The following HEXB variants were observed in gnomAD, a reference collection of about 807,000 sequenced individuals.
HEXB encodes hexosaminidase subunit beta.
HEXB carries 51 observed loss-of-function variants against 71.2 expected under a neutral mutation model. The ratio of observed to expected loss-of-function variants is 0.72; its 90% CI spans 0.57 to 0.90. The LOEUF (loss-of-function observed/expected upper bound fraction) is 0.90. Ranked by LOEUF, HEXB falls within the 40% of genes least tolerant of loss-of-function variation. The pLI is 0.00. For synonymous variants in HEXB, 266 were observed against 249.3 expected (o/e 1.07, Z -0.63); for missense variants, 617 against 677.0 (o/e 0.91, Z 0.98).
chr5:74,681,980 G>A (rs1316536591), upstream of HEXB, among the ~76,000 whole-genome samples: 1 of 152,246 alleles, frequency 6.6e-6, no homozygotes, highest in Non-Finnish European at 1.5e-5. Context: ...TATATTGTGG[G>A]TATGGCAAGT....
chr5:74,665,504 T>C (rs1748416985), intron 1 of HEXB, among the ~76,000 whole-genome samples: 1 of 152,150 alleles, frequency 6.6e-6, no homozygotes, highest in African/African-American at 2.4e-5. Flanking sequence ...ATGCCCCTGC[T>C]TTCCTACACA....
rs145014069 is a variant in HEXB at position 74,672,086 on chromosome 5, A to C, written c.-376-17242A>C. ...TCTGATCCAGGCTTCTGCTATCCCG[A>C]TATATGTGATGCTTGTTCTCAGGCA... On this transcript the variant is annotated intron_variant, in intron 1 of 13. Coordinates refer to the HEXB transcript ENST00000511181. 1.4e-3 allele frequency among the ~76,000 whole-genome samples: 206 copies of C among 152,114 alleles called. 1 individual carries two copies. Among genetic ancestry groups the C allele is most frequent in the African/African-American group, 4.9e-3 (202 of 41,458 alleles).
intron 5 of HEXB, among the ~76,000 whole-genome samples, chr5:74,698,142 A>G (rs1749158254): frequency 6.6e-6 from 1 of 151,720 alleles, no homozygotes; most frequent in Non-Finnish European, 1.5e-5. Flanking sequence ...CAATGGCGCG[A>G]TCTCGGCTCA....
intron 8 of HEXB, 64 bp from the exon 9 acceptor site, chr5:74,716,523 T>C (rs1749676196): frequency 1.0e-6 from 1 of 957,850 alleles, no homozygotes; most frequent in African/African-American, 1.6e-5. Context: ...GCATGTATAC[T>C]GCTCTAAATA....
At chr5:74,665,167 A>T (rs820857) in intron 1 of HEXB, among the ~76,000 whole-genome samples, 16 of 151,990 alleles carry the variant, frequency 1.1e-4, no homozygotes, top group Non-Finnish European at 1.5e-5. Context: ...CAGACTCATA[A>T]CTTAAGAGAA....
intron 7 of HEXB, among the ~76,000 whole-genome samples, chr5:74,713,877 G>T (rs887808351): frequency 6.6e-6 from 1 of 152,034 alleles, no homozygotes; most frequent in South Asian, 2.1e-4. Context: ...GTCTCACTCC[G>T]TTGCCCAGGC....
Position 74,715,614 on chromosome 5 carries a change from T to C in HEXB, c.1006T>C (p.Phe336Leu). The C allele has an allele frequency of 1.2e-6, 2 of 1,610,212 alleles. No individual in the cohort carries two copies. The highest frequency in any genetic ancestry group is 2.7e-5 in the African/African-American group (2 of 74,930). ...TACAACATACAGCTTCCTTACTACATTTTTCAAAGAAATTAGTGAGGTGTT... is the reference window on the plus strand; with the variant it reads ...TACAACATACAGCTTCCTTACTACACTTTTCAAAGAAATTAGTGAGGTGTT... ...LNTTYSFLTTFFKEISEVFPD... is the reference protein window; with the variant it reads ...LNTTYSFLTTLFKEISEVFPD... The change falls in exon 8 of 14, where the codon TTT becomes CTT. Residue 336 changes from phenylalanine (F) to leucine (L), a missense_variant. Phe to Leu is a conservative substitution (Grantham distance 22). Coordinates refer to ENST00000261416, the MANE Select transcript of HEXB (RefSeq NM_000521.4).
chr5:74,667,667 G>T (rs115601208), intron 1 of HEXB, among the ~76,000 whole-genome samples: 6,820 of 152,298 alleles, frequency 0.045, 211 homozygotes, highest in Non-Finnish European at 0.075. Context: ...GGCTTGCTGG[G>T]TTTGCTTGTA....
chr5:74,715,387 T>A (rs1451863130), intron 7 of HEXB, 123 bp from the exon 8 acceptor site: 1 of 705,940 alleles, frequency 1.4e-6, no homozygotes, highest in Non-Finnish European at 2.5e-6. Context: ...TTAGTAAACA[T>A]GTTCATCTTT....
chr5:74,701,822 T>C (rs1253289301), intron 5 of HEXB, among the ~76,000 whole-genome samples: 1 of 152,078 alleles, frequency 6.6e-6, no homozygotes, highest in Non-Finnish European at 1.5e-5. Flanking sequence ...GCACATATGA[T>C]GCATCAATAC....
At position 74,713,638 on chromosome 5, in the gene HEXB, A is replaced by G. The variant is rs746579407; in HGVS notation, c.901+3A>G. 1 of 1,610,122 alleles carries G rather than the reference A, an allele frequency of 6.2e-7. No homozygotes were observed. Among genetic ancestry groups the G allele is most frequent in the East Asian group, 2.2e-5 (1 of 44,850 alleles). On this transcript the variant is annotated splice_donor_region_variant and intron_variant, in intron 7 of 13. Transcript: ENST00000261416. ...GCATACACTATCTTGGGGAAAAGGTAAGGAGTTGTATTTTATTTCATTTTA... is the reference window on the plus strand; with the variant it reads ...GCATACACTATCTTGGGGAAAAGGTGAGGAGTTGTATTTTATTTCATTTTA...
chr5:74,677,959 G>A (rs1471546502), intron 1 of HEXB, among the ~76,000 whole-genome samples: 3 of 152,062 alleles, frequency 2.0e-5, no homozygotes, highest in East Asian at 3.9e-4. Context: ...CAATGTGTGT[G>A]CATGCTCTTC....
intron 5 of HEXB, among the ~76,000 whole-genome samples, 194 bp downstream of exon 5, chr5:74,697,300 GT>G (rs1247545913): frequency 2.0e-5 from 3 of 152,164 alleles, no homozygotes; most frequent in Non-Finnish European, 4.4e-5. Context: ...TCACCCTCCT[GT>G]TTTCAGTGCG....
intron 6 of HEXB, among the ~76,000 whole-genome samples, chr5:74,708,884 G>C (rs1335466684): frequency 6.6e-6 from 1 of 151,552 alleles, no homozygotes; most frequent in Non-Finnish European, 1.5e-5. Flanking sequence ...ACAGATCAAC[G>C]AGACAGAAAG....
In HEXB at chr5:74,718,452, G is replaced by C; in HGVS notation, c.1242+89G>C. On this transcript the variant is annotated intron_variant, in intron 10 of 13. Coordinates refer to ENST00000261416, the MANE Select transcript of HEXB (RefSeq NM_000521.4). ...TGGGAATTTGCAAGTCTAACTACTA[G>C]TATTACCTTTCTAGTGTAGTTAGTG... The C allele has an allele frequency of 5.1e-6, 5 of 972,708 alleles. No individual in the cohort carries two copies. In the South Asian group the frequency reaches 6.4e-5, roughly 13 times the overall value. 60.3% of individuals were successfully genotyped at this position (972,708 alleles called of 1,614,324 possible).
intron 5 of HEXB, among the ~76,000 whole-genome samples, chr5:74,702,425 G>C (rs1177265322): frequency 6.6e-6 from 1 of 152,134 alleles, no homozygotes; most frequent in Non-Finnish European, 1.5e-5. Context: ...TAGGCCAGTT[G>C]CTTTGTAGAG....
At position 74,671,170 on chromosome 5, in the gene HEXB, T is replaced by C. The variant is rs190890644; in HGVS notation, c.-376-18158T>C. On this transcript the variant is annotated intron_variant, in intron 1 of 13. Transcript: ENST00000511181. Reference sequence around the variant, plus strand: ...AGGGACAACAATGCCACAAGAGTACTGGCAACAAAGTGTTCCAAGACCCAT... The same window carrying C: ...AGGGACAACAATGCCACAAGAGTACCGGCAACAAAGTGTTCCAAGACCCAT... Among the ~76,000 whole-genome samples the C allele has an allele frequency of 9.2e-5, 14 of 152,274 alleles. No homozygotes were observed. The East Asian group carries it at 2.3e-3, about 25-fold the overall frequency.
intron 9 of HEXB, among the ~76,000 whole-genome samples, chr5:74,717,147 C>T (rs1749690649): frequency 2.6e-5 from 4 of 152,256 alleles, no homozygotes; most frequent in Middle Eastern, 6.8e-3. Context: ...CACCACTGCA[C>T]TCCAGCCTGG....
At chr5:74,673,597 T>C (rs1347471681) in intron 1 of HEXB, among the ~76,000 whole-genome samples, 4 of 152,170 alleles carry the variant, frequency 2.6e-5, no homozygotes, top group Non-Finnish European at 5.9e-5. Flanking sequence ...CAACTACACT[T>C]CCCAGACTCC....
Sources: allele counts gnomAD v4.1 joint callset (sites outside exome capture counted in the v4.1 genomes callset), GRCh38; gene constraint gnomAD v4.1.1; transcripts MANE v1.5; gene names NCBI Gene and HGNC (gene_info 2026-07-23, HGNC 2026-07-21).